AGL: variants seen among roughly 807,000 people sequenced by gnomAD.
The protein encoded by AGL is amylo-alpha-1,6-glucosidase and 4-alpha-glucanotransferase, also known as glycogen debranching enzyme.
Under a neutral mutation model 199.3 loss-of-function variants are expected in AGL, and 128 were observed. That is an observed-to-expected ratio of 0.64 (90% CI 0.56 to 0.74). The LOEUF (loss-of-function observed/expected upper bound fraction) is 0.74. Ranked by LOEUF, AGL falls within the 30% of genes least tolerant of loss-of-function variation. The probability of loss-of-function intolerance (pLI) is 0.00; values close to 1 mark genes in which losing one functional copy is unlikely to be tolerated. For missense variants in AGL, 1,809 were observed against 1,820.8 expected (o/e 0.99, Z 0.12); for synonymous variants, 584 against 594.7 (o/e 0.98, Z 0.26).
At chr1:99,870,605 A>T in intron 6 of AGL, 24 bp downstream of exon 6, 2 of 1,612,998 alleles carry the variant, frequency 1.2e-6, no homozygotes, top group Non-Finnish European at 1.7e-6. Context: ...GAGGAGTATC[A>T]CACTAAAACA....
intron 28 of AGL, 79 bp downstream of exon 28, chr1:99,910,926 A>G: frequency 1.4e-6 from 2 of 1,444,552 alleles, no homozygotes; most frequent in Non-Finnish European, 1.9e-6. Context: ...TTATTCTGTT[A>G]ACTATGAACT....
intron 3 of AGL, 32 bp downstream of exon 3, chr1:99,861,745 A>G: frequency 6.2e-7 from 1 of 1,608,668 alleles, no homozygotes; most frequent in Non-Finnish European, 8.5e-7. Flanking sequence ...TGAGAAAAAA[A>G]GTTAATTTGT....
chr1:99,849,980 C>G (rs905236198), upstream of AGL: 1 of 152,368 alleles, frequency 6.6e-6, no homozygotes, highest in African/African-American at 2.4e-5. Context: ...CCGCTCCCGG[C>G]CTCAGCCGCA....
At chr1:99,899,064 G>T (rs982256717) in intron 25 of AGL, among the ~76,000 whole-genome samples, 1 of 151,918 alleles carries the variant, frequency 6.6e-6, no homozygotes, top group African/African-American at 2.4e-5. Context: ...GGGCAACAGG[G>T]TCTCTTAAAA....
chr1:99,879,597 A>C (rs976813332), intron 12 of AGL, among the ~76,000 whole-genome samples: 1 of 152,076 alleles, frequency 6.6e-6, no homozygotes, highest in Admixed American at 6.6e-5. Context: ...TAAATAAATA[A>C]ATAAATAAAT....
intron 2 of AGL, among the ~76,000 whole-genome samples, chr1:99,856,357 TCCCTC>T (rs1557741636): frequency 1.3e-5 from 1 of 78,548 alleles, no homozygotes; most frequent in East Asian, 3.7e-4. Flanking sequence ...CCTCCCTCCC[TCCCTC>T]CCTTCCTTCC....
intron 20 of AGL, among the ~76,000 whole-genome samples, chr1:99,887,411 C>G (rs528531346): frequency 6.6e-6 from 1 of 152,196 alleles, no homozygotes; most frequent in East Asian, 1.9e-4. Flanking sequence ...AGCTGAGGGG[C>G]AGTGCAACCT....
chr1:99,862,132 A>G (rs1261133803), intron 3 of AGL, 125 bp from the exon 4 acceptor site: 7 of 1,027,950 alleles, frequency 6.8e-6, no homozygotes, highest in African/African-American at 3.2e-5. Context: ...AAATGATTTT[A>G]TGTGCTTAGA....
In AGL at chr1:99,861,086, A is replaced by T. The variant is rs562505821; in HGVS notation, c.83-417A>T. The T allele has an allele frequency of 1.8e-5, 12 of 682,324 alleles. No homozygotes were observed. The South Asian group carries it at 3.2e-4, about 18-fold the overall frequency. 42.3% of individuals were successfully genotyped at this position (682,324 alleles called of 1,614,324 possible). On this transcript the variant is annotated intron_variant, in intron 2 of 33. Coordinates refer to ENST00000361915, the MANE Select transcript of AGL (RefSeq NM_000642.3). ...TTTACAGACTATCACATACTTTCTG[A>T]CACCATAGAGAAACTAGCTTTCTCT... is the stretch of plus-strand genomic sequence containing the variant.
intron 2 of AGL, among the ~76,000 whole-genome samples, chr1:99,852,355 T>TC (rs1649028738): frequency 6.8e-6 from 1 of 147,656 alleles, no homozygotes; most frequent in Non-Finnish European, 1.5e-5. Flanking sequence ...TCATTTCTTT[T>TC]TTTTTTTTTT....
intron 21 of AGL, among the ~76,000 whole-genome samples, chr1:99,888,593 A>G (rs1213127103): frequency 1.3e-5 from 2 of 152,128 alleles, no homozygotes; most frequent in Non-Finnish European, 2.9e-5. Flanking sequence ...TTGGAAATAT[A>G]TTTTATTGCA....
At chr1:99,849,610 C>G (rs1324391676), upstream of AGL, among the ~76,000 whole-genome samples, 1 of 152,164 alleles carries the variant, frequency 6.6e-6, no homozygotes, top group Non-Finnish European at 1.5e-5. Flanking sequence ...ACTGGGTCTG[C>G]ATTCAGGAAC....
chr1:99,915,455 G>T lies in AGL; in HGVS notation c.4228G>T (p.Gly1410Cys). ...ALEIAEKKLLGPLGMKTLDPD... is the reference protein window; with the variant it reads ...ALEIAEKKLLCPLGMKTLDPD... ...GGAGATTGCAGAAAAAAAATTGCTT[G>T]GTCCCCTTGGCATGAAAACTTTAGA... is the stretch of plus-strand genomic sequence containing the variant. Residue 1410 changes from glycine to cysteine, a missense_variant, in exon 31 of 34, where the codon GGT becomes TGT. Gly to Cys is a radical substitution (Grantham distance 159, BLOSUM62 -3). Coordinates refer to ENST00000361915, the MANE Select transcript of AGL (RefSeq NM_000642.3). 1.2e-6 allele frequency: 2 copies of T among 1,613,342 alleles called. No homozygotes were observed.
intron 7 of AGL, among the ~76,000 whole-genome samples, chr1:99,873,839 A>C (rs548545452): frequency 6.6e-6 from 1 of 152,128 alleles, no homozygotes; most frequent in Admixed American, 6.6e-5. Flanking sequence ...TAACCACTAC[A>C]CTATGAAACC....
Position 99,862,973 on chromosome 1 carries a change from A to G in AGL, c.460+550A>G, listed in dbSNP as rs149027268. Among the ~76,000 whole-genome samples the G allele has an allele frequency of 3.2e-3, 486 of 151,768 alleles. 15 individuals are homozygous for G. In the South Asian group the frequency reaches 0.057, roughly 18 times the overall value. On this transcript the variant is annotated intron_variant, in intron 4 of 33. Coordinates refer to ENST00000361915, the MANE Select transcript of AGL (RefSeq NM_000642.3). ...AAATTTTTTTTTTTTGAGACGGAGT[A>G]TCACCCTGTCACGTAGGCTGCAATG... is the stretch of plus-strand genomic sequence containing the variant.
At chr1:99,894,225 A>G (rs1357816594) in intron 24 of AGL, among the ~76,000 whole-genome samples, 1 of 152,132 alleles carries the variant, frequency 6.6e-6, no homozygotes, top group Admixed American at 6.5e-5. Context: ...CTAATAATTG[A>G]CAAATTAGAA....
At chr1:99,874,487 G>A in intron 7 of AGL, 200 bp from the exon 8 acceptor site, 6 of 556,764 alleles carry the variant, frequency 1.1e-5, no homozygotes, top group Non-Finnish European at 1.9e-5. Context: ...CACACCCCTC[G>A]TGTGTGTTTG....
chr1:99,895,820 A>G (rs995088663), intron 24 of AGL, among the ~76,000 whole-genome samples: 2 of 152,172 alleles, frequency 1.3e-5, no homozygotes, highest in East Asian at 1.9e-4. Context: ...TACAAAAAAT[A>G]CAAAAACTAG....
intron 2 of AGL, among the ~76,000 whole-genome samples, chr1:99,857,386 C>T (rs1340219724): frequency 6.6e-6 from 1 of 151,868 alleles, no homozygotes; most frequent in African/African-American, 2.4e-5. Context: ...CGGGCAGAGA[C>T]GCTTCTCACT....
Sources: gnomAD v4.1 joint callset for allele counts (sites outside exome capture counted in the v4.1 genomes callset) on GRCh38, gnomAD v4.1.1 for gene constraint, MANE v1.5 for transcripts, NCBI Gene and HGNC (gene_info 2026-07-23, HGNC 2026-07-21) for gene names.